TNIK: variants seen among roughly 807,000 people sequenced by gnomAD.
TNIK encodes TRAF2 and NCK-interacting protein kinase.
Under a neutral mutation model 191.3 loss-of-function variants are expected in TNIK, and 49 were observed. The ratio of observed to expected loss-of-function variants is 0.26; its 90% CI spans 0.20 to 0.32. The LOEUF is 0.32. Among genes scored for constraint, TNIK ranks in the 10% least tolerant of loss-of-function variants. The pLI is 1.00. For missense variants in TNIK, 1,155 were observed against 1,702.3 expected (o/e 0.68, Z 5.66); for synonymous variants, 594 against 600.9 (o/e 0.99, Z 0.17).
chr3:171,214,478 A>G (rs1259763853), intron 3 of TNIK, among the ~76,000 whole-genome samples: 1 of 152,200 alleles, frequency 6.6e-6, no homozygotes, highest in Non-Finnish European at 1.5e-5. Context: ...GTAGGAGACA[A>G]TTTATCATAA....
chr3:171,306,236 G>A (rs1753439461), intron 2 of TNIK, among the ~76,000 whole-genome samples: 1 of 151,944 alleles, frequency 6.6e-6, no homozygotes, highest in African/African-American at 2.4e-5. Context: ...GGAGGAGGGA[G>A]AAGTTCAGAA....
At chr3:171,231,394 A>G (rs888345222) in intron 2 of TNIK, among the ~76,000 whole-genome samples, 2 of 151,774 alleles carry the variant, frequency 1.3e-5, no homozygotes, top group Non-Finnish European at 2.9e-5. Context: ...AACACTTTAA[A>G]TTTTAAATTT....
chr3:171,228,582 C>T (rs1001633000), intron 2 of TNIK, among the ~76,000 whole-genome samples: 8 of 152,144 alleles, frequency 5.3e-5, no homozygotes, highest in Non-Finnish European at 8.8e-5. Context: ...AGAAAACACT[C>T]GGTAGATGAA....
chr3:171,113,553 C>T (rs924369282), intron 18 of TNIK, among the ~76,000 whole-genome samples: 5 of 150,336 alleles, frequency 3.3e-5, no homozygotes, highest in South Asian at 2.1e-4. Flanking sequence ...TTGCAGTGAG[C>T]GGAGATCGCG....
chr3:171,232,518 TC>T (rs1743786247), intron 2 of TNIK, among the ~76,000 whole-genome samples: 1 of 152,208 alleles, frequency 6.6e-6, no homozygotes, highest in African/African-American at 2.4e-5. Context: ...ATTATTTTTT[TC>T]CTACAGAAAT....
At position 171,063,635 on chromosome 3, in the gene TNIK, C is replaced by A; in HGVS notation, c.*246G>T. The A allele has an allele frequency of 2.4e-6, 1 of 424,444 alleles. No individual in the cohort carries two copies. 26.3% of individuals were successfully genotyped at this position (424,444 alleles called of 1,614,324 possible). On this transcript the variant is annotated 3_prime_UTR_variant, in exon 33 of 33. Transcript: ENST00000436636. Reference sequence around the variant, plus strand: ...CGAAGGGCACATGGTCCATCTTTGTCCACAGACAAGGCAGCATTCTTGGGG... The same window carrying A: ...CGAAGGGCACATGGTCCATCTTTGTACACAGACAAGGCAGCATTCTTGGGG...
intron 2 of TNIK, among the ~76,000 whole-genome samples, chr3:171,231,169 C>A (rs558353965): frequency 6.6e-6 from 1 of 152,202 alleles, no homozygotes; most frequent in African/African-American, 2.4e-5. Flanking sequence ...AGAGATGAGG[C>A]GGGATAAAAG....
intron 2 of TNIK, among the ~76,000 whole-genome samples, chr3:171,346,179 G>T (rs1168408702): frequency 6.6e-6 from 1 of 152,184 alleles, no homozygotes; most frequent in Non-Finnish European, 1.5e-5. Flanking sequence ...GGGCACTGCA[G>T]TCAGACTCTG....
chr3:171,114,960 T>G (rs968040290), intron 18 of TNIK, among the ~76,000 whole-genome samples: 4 of 152,216 alleles, frequency 2.6e-5, no homozygotes, highest in Non-Finnish European at 5.9e-5. Context: ...AATTCCCAAA[T>G]AGCGAATTCT....
At chr3:171,230,002 C>T (rs7375039) in intron 2 of TNIK, among the ~76,000 whole-genome samples, 24,493 of 152,056 alleles carry the variant, frequency 0.16, 2,191 homozygotes, top group African/African-American at 0.25. Flanking sequence ...ATCTACAAAA[C>T]GTGGGGAGAC....
At chr3:171,209,533 TTTG>T (rs1390583341) in intron 4 of TNIK, among the ~76,000 whole-genome samples, 1 of 152,186 alleles carries the variant, frequency 6.6e-6, no homozygotes, top group African/African-American at 2.4e-5. Flanking sequence ...GGTGTATCCC[TTTG>T]TTGTCATATA....
chr3:171,190,509 A>G (rs1158762346), intron 6 of TNIK, among the ~76,000 whole-genome samples, 188 bp downstream of exon 6: 1 of 152,244 alleles, frequency 6.6e-6, no homozygotes, highest in Non-Finnish European at 1.5e-5. Flanking sequence ...CCCACATTAT[A>G]TATAATTCAT....
chr3:171,130,947 T>C lies in TNIK; in HGVS notation c.1609-2069A>G, dbSNP rs988132144. Among the ~76,000 whole-genome samples the C allele has an allele frequency of 5.8e-4, 89 of 152,272 alleles. 1 individual carries two copies. The highest frequency in any genetic ancestry group is 8.3e-4 in the South Asian group (4 of 4,816). Reference sequence around the variant, plus strand: ...TAGAAAAGTTTGCCCCCAAAGACTCTATCTTGGGCAAAGAAACCATTTTTG... The same window carrying C: ...TAGAAAAGTTTGCCCCCAAAGACTCCATCTTGGGCAAAGAAACCATTTTTG... On this transcript the variant is annotated intron_variant, in intron 15 of 32. Transcript: ENST00000436636.
intron 28 of TNIK, among the ~76,000 whole-genome samples, chr3:171,075,969 C>G (rs1039081090): frequency 1.3e-5 from 2 of 152,204 alleles, no homozygotes; most frequent in South Asian, 4.1e-4. Flanking sequence ...AATACCTGAC[C>G]TCACGATCCA....
At chr3:171,452,829 C>T (rs1728347031) in intron 1 of TNIK, among the ~76,000 whole-genome samples, 1 of 151,260 alleles carries the variant, frequency 6.6e-6, no homozygotes, top group Non-Finnish European at 1.5e-5. Context: ...TAGAATAAGA[C>T]AATGGAGAGA....
chr3:171,122,408 G>A (rs749954168), intron 18 of TNIK, among the ~76,000 whole-genome samples: 19 of 152,158 alleles, frequency 1.2e-4, no homozygotes, highest in Non-Finnish European at 2.4e-4. Flanking sequence ...CCTCAGTGCT[G>A]CTTAGCTGCT....
intron 1 of TNIK, among the ~76,000 whole-genome samples, chr3:171,377,491 T>C (rs533960678): frequency 7.2e-5 from 11 of 152,354 alleles, no homozygotes; most frequent in South Asian, 2.1e-4. Context: ...TGCAAAACCT[T>C]AAGCTATACA....
chr3:171,161,482 T>C (rs939265488), intron 10 of TNIK, 146 bp from the exon 11 acceptor site: 17 of 590,120 alleles, frequency 2.9e-5, no homozygotes, highest in Admixed American at 1.4e-4. Flanking sequence ...TGTGATTTAA[T>C]GGTTCCCATA....
At chr3:171,385,674 G>A (rs1718631923) in intron 1 of TNIK, among the ~76,000 whole-genome samples, 1 of 152,154 alleles carries the variant, frequency 6.6e-6, no homozygotes, top group Non-Finnish European at 1.5e-5. Context: ...TATCAGTAGA[G>A]GGGATAAACT....
Sources: gnomAD v4.1 joint callset for allele counts (sites outside exome capture counted in the v4.1 genomes callset) on GRCh38, gnomAD v4.1.1 for gene constraint, MANE v1.5 for transcripts, NCBI Gene and HGNC (gene_info 2026-07-23, HGNC 2026-07-21) for gene names.